The following SMCHD1 variants were observed in gnomAD, a reference collection of about 807,000 sequenced individuals.
The protein encoded by SMCHD1 is structural maintenance of chromosomes flexible hinge domain containing 1.
A neutral mutation model predicts 254.7 loss-of-function variants in SMCHD1; 78 were observed. That is an observed-to-expected ratio of 0.31 (90% CI 0.26 to 0.37). The LOEUF is 0.37. Ranked by LOEUF, SMCHD1 falls within the 10% of genes least tolerant of loss-of-function variation. The pLI is 1.00. For synonymous variants in SMCHD1, 766 were observed against 794.9 expected, an observed-to-expected ratio of 0.96 and a Z score of 0.61; for missense variants, 1,840 against 2,408.1, an observed-to-expected ratio of 0.76 and a Z score of 4.94.
In SMCHD1 at chr18:2,784,402, C is replaced by T. The variant is rs768049802; in HGVS notation, c.5548-48C>T. 11 of 1,390,398 alleles carry T rather than the reference C, an allele frequency of 7.9e-6. No individual in the cohort carries two copies. The African/African-American group carries it at 1.6e-4, about 20-fold the overall frequency. 86.1% of individuals were successfully genotyped at this position (1,390,398 alleles called of 1,614,324 possible). A position where few individuals can be genotyped will look rare whatever the true frequency, so the allele number is the denominator to read the frequency against. ...TTAAATTATTTCTCCTTTTTTGGAG[C>T]AGTTGAAATAAGTTGCTCACTACTT... On this transcript the variant is annotated intron_variant, in intron 44 of 47. Coordinates refer to ENST00000320876, the MANE Select transcript of SMCHD1 (RefSeq NM_015295.3).
At position 2,679,480 on chromosome 18, in the gene SMCHD1, CAAAAAAA is replaced by C. The variant is rs59034633; in HGVS notation, c.638+5348_638+5354del. On this transcript the variant is annotated intron_variant, in intron 5 of 47. Transcript: ENST00000320876. ...GGGTGACAGAGCGAGACTCCATCTC[CAAAAAAA>C]AAAAAAAAAAAAGGAACTCTTGGTT... Among the ~76,000 whole-genome samples the C allele has an allele frequency of 6.8e-4, 40 of 58,704 alleles. 1 individual carries two copies. The South Asian group carries it at 0.045, about 66-fold the overall frequency. The allele number at this position is 58,704 out of a possible 152,430, so 38.5% of individuals were successfully genotyped here.
chr18:2,720,425 G>A (rs1440553415), intron 19 of SMCHD1, among the ~76,000 whole-genome samples: 2 of 151,904 alleles, frequency 1.3e-5, no homozygotes, highest in Non-Finnish European at 2.9e-5. Context: ...TTCTTACAGC[G>A]TTTTTCCTGA....
intron 1 of SMCHD1, among the ~76,000 whole-genome samples, chr18:2,665,914 A>G (rs2073422446): frequency 6.6e-6 from 1 of 152,028 alleles, no homozygotes; most frequent in African/African-American, 2.4e-5. Flanking sequence ...CCTAATCACT[A>G]GTGTTCCTAG....
chr18:2,732,205 C>A, intron 24 of SMCHD1, 60 bp from the exon 25 acceptor site: 3 of 1,289,974 alleles, frequency 2.3e-6, no homozygotes, highest in East Asian at 2.3e-5. Context: ...GTAAATTCTT[C>A]AGGAGTGTAA....
intron 23 of SMCHD1, 86 bp downstream of exon 23, chr18:2,728,682 C>A: frequency 1.4e-6 from 2 of 1,379,526 alleles, no homozygotes; most frequent in Non-Finnish European, 2.0e-6. Flanking sequence ...AAGTCTTACA[C>A]AGGATTTAAG....
intron 15 of SMCHD1, 180 bp from the exon 16 acceptor site, chr18:2,707,383 A>T: frequency 2.8e-6 from 1 of 351,926 alleles, no homozygotes; most frequent in Admixed American, 4.7e-5. Context: ...TTTTTTCAGT[A>T]GCCACAGGAA....
chr18:2,655,880 C>A lies in SMCHD1; in HGVS notation c.-196C>A, dbSNP rs1172659771. On this transcript the variant is annotated 5_prime_UTR_variant, in exon 1 of 48. Coordinates refer to ENST00000320876, the MANE Select transcript of SMCHD1 (RefSeq NM_015295.3). ...AAGTGACGTGGTGCACGGGCAGGAG[C>A]GCGTTTGAATCGGTTCCCGGGTGAT... 2 of 374,502 alleles carry A rather than the reference C, an allele frequency of 5.3e-6. No individual in the cohort carries two copies. The highest frequency in any genetic ancestry group is 2.1e-5 in the African/African-American group (1 of 47,520). 23.2% of individuals were successfully genotyped at this position (374,502 alleles called of 1,614,324 possible).
chr18:2,735,595 C>A (rs2075233452), intron 25 of SMCHD1, among the ~76,000 whole-genome samples: 1 of 152,164 alleles, frequency 6.6e-6, no homozygotes, highest in South Asian at 2.1e-4. Context: ...AATGCAAAAT[C>A]AGTATACAAA....
intron 44 of SMCHD1, among the ~76,000 whole-genome samples, chr18:2,780,731 A>G (rs1242465294): frequency 6.6e-6 from 1 of 152,182 alleles, no homozygotes; most frequent in East Asian, 1.9e-4. Flanking sequence ...TACTTGTATC[A>G]TGGATGATTT....
At chr18:2,747,380 A>C (rs1326436163) in intron 29 of SMCHD1, 142 bp from the exon 30 acceptor site, 8 of 691,214 alleles carry the variant, frequency 1.2e-5, no homozygotes, top group Non-Finnish European at 1.7e-5. Flanking sequence ...GTTGGCTTTC[A>C]AAAGTTCATT....
chr18:2,779,137 TATTTC>T (rs1286600665), intron 44 of SMCHD1: 4 of 152,200 alleles, frequency 2.6e-5, no homozygotes, highest in Non-Finnish European at 1.5e-5. Context: ...GTAAAATAAA[TATTTC>T]AGTTATTTAC....
At chr18:2,663,228 C>G (rs1414175145) in intron 1 of SMCHD1, among the ~76,000 whole-genome samples, 1 of 151,892 alleles carries the variant, frequency 6.6e-6, no homozygotes, top group Non-Finnish European at 1.5e-5. Flanking sequence ...ACCTCAGCCT[C>G]TTGAGTGGTT....
Position 2,689,211 on chromosome 18 carries a change from A to T in SMCHD1, c.873+464A>T, listed in dbSNP as rs144067396. 6.9e-3 allele frequency among the ~76,000 whole-genome samples: 929 copies of T among 133,790 alleles called. 4 individuals carry two copies. The highest frequency in any genetic ancestry group is 0.011 in the Non-Finnish European group (694 of 61,722). 87.8% of individuals were successfully genotyped at this position (133,790 alleles called of 152,430 possible). A position where few individuals can be genotyped will look rare whatever the true frequency, so the allele number is the denominator to read the frequency against. On this transcript the variant is annotated intron_variant, in intron 7 of 47. Transcript: ENST00000320876. Reference sequence around the variant, plus strand: ...TCAACTCTTCTTTGTTTGAAACATGATTTTTTTTCTTTTTTTTTTTTTTTG... The same window carrying T: ...TCAACTCTTCTTTGTTTGAAACATGTTTTTTTTTCTTTTTTTTTTTTTTTG...
Position 2,775,919 on chromosome 18 carries a change from G to T in SMCHD1, c.5361G>T (p.Trp1787Cys), listed in dbSNP as rs2076058530. ...DSIYKKTLPDWKRSLPHFRNG... is the reference protein window; with the variant it reads ...DSIYKKTLPDCKRSLPHFRNG... ...TTTACAAGAAGACTCTTCCAGATTGGAAAAGGTTAGAAAAAAGTGAAAGTA... is the reference window on the plus strand; with the variant it reads ...TTTACAAGAAGACTCTTCCAGATTGTAAAAGGTTAGAAAAAAGTGAAAGTA... The change falls in exon 42 of 48, where the codon TGG becomes TGT. Residue 1787 changes from tryptophan (W) to cysteine (C), a missense_variant. Transcript: ENST00000320876. The T allele has an allele frequency of 1.3e-6, 2 of 1,563,546 alleles. No individual in the cohort carries two copies. The highest frequency in any genetic ancestry group is 4.7e-5 in the East Asian group (2 of 42,236).
intron 34 of SMCHD1, among the ~76,000 whole-genome samples, chr18:2,757,868 ACAGACT>A (rs1555649025): frequency 1.3e-5 from 2 of 152,154 alleles, no homozygotes; most frequent in Non-Finnish European, 2.9e-5. Flanking sequence ...TTAGGTACAT[ACAGACT>A]TAGATTATTA....
intron 25 of SMCHD1, among the ~76,000 whole-genome samples, chr18:2,733,113 TA>T (rs2143490603): frequency 6.6e-6 from 1 of 152,352 alleles, no homozygotes; most frequent in African/African-American, 2.4e-5. Flanking sequence ...GACAGCTTTT[TA>T]GCATTCCTTT....
At chr18:2,723,914 C>T (rs1032322144) in intron 20 of SMCHD1, among the ~76,000 whole-genome samples, 3 of 151,982 alleles carry the variant, frequency 2.0e-5, no homozygotes, top group Non-Finnish European at 2.9e-5. Context: ...TTGTGTTTTA[C>T]GATTCAGCTT....
rs774156694 is a variant in SMCHD1, at chr18:2,750,382, A to C, written c.4040A>C (p.Tyr1347Ser). 3.1e-6 allele frequency: 5 copies of C among 1,612,866 alleles called. No individual in the cohort carries two copies. The highest frequency in any genetic ancestry group is 4.2e-6 in the Non-Finnish European group (5 of 1,179,218). ...CATACTCTTCAGGTTAAAGCCATCTATAACAAAAGTATCATAGAAGGACCT... is the reference window on the plus strand; with the variant it reads ...CATACTCTTCAGGTTAAAGCCATCTCTAACAAAAGTATCATAGAAGGACCT... ...GEHTLQVKAI[Y>S]NKSIIEGPII... The change falls in exon 32 of 48, where the codon TAT (tyrosine) becomes TCT (serine). Residue 1347 changes from tyrosine to serine, a missense_variant. Tyr to Ser is a moderately radical substitution (Grantham distance 144, BLOSUM62 -2). Transcript: ENST00000320876.
At chr18:2,694,878 T>A (rs1390817673) in intron 8 of SMCHD1, among the ~76,000 whole-genome samples, 185 bp downstream of exon 8, 2 of 152,196 alleles carry the variant, frequency 1.3e-5, no homozygotes, top group African/African-American at 4.8e-5. Context: ...TCTGTAAATA[T>A]TTATAGATCA....
Sources: allele counts gnomAD v4.1 joint callset (sites outside exome capture counted in the v4.1 genomes callset), GRCh38; gene constraint gnomAD v4.1.1; transcripts MANE v1.5; gene names NCBI Gene and HGNC (gene_info 2026-07-23, HGNC 2026-07-21).